Variants in BORCS5 observed in about 807,000 individuals in gnomAD.
The protein encoded by BORCS5 is BLOC-1-related complex subunit 5.
In BORCS5, 17 loss-of-function variants were observed where a neutral mutation model predicts 22.1. That is an observed-to-expected ratio of 0.77 (90% CI 0.53 to 1.15). The LOEUF is 1.15. Ranked by LOEUF, BORCS5 falls within the 50% of genes most tolerant of loss-of-function variation. BORCS5 has a pLI of 0.00. For synonymous variants in BORCS5, 117 were observed against 99.8 expected (o/e 1.17, Z -1.03); for missense variants, 247 against 253.2 (o/e 0.98, Z 0.17).
At position 12,469,126 on chromosome 12, in the gene BORCS5, G is replaced by A. The variant is rs186646756; in HGVS notation, c.*3350G>A. On this transcript the variant is annotated 3_prime_UTR_variant, in exon 4 of 4. Transcript: ENST00000314565. ...CCAGCACTTTGGGAGGCCGAGACGA[G>A]TGGATCACCTGAGGTCAGGAGTTCC... is the stretch of plus-strand genomic sequence containing the variant. 6.6e-6 allele frequency: 1 copy of A among 152,382 alleles called. No homozygotes were observed. The highest frequency in any genetic ancestry group is 1.9e-4 in the East Asian group (1 of 5,192). The allele number at this position is 152,382 out of a possible 1,614,324, so 9.4% of individuals were successfully genotyped here.
At chr12:12,445,756 C>G (rs1013561049) in intron 3 of BORCS5, among the ~76,000 whole-genome samples, 3 of 151,334 alleles carry the variant, frequency 2.0e-5, no homozygotes, top group Admixed American at 1.3e-4. Flanking sequence ...GCCCCAGCCT[C>G]CCCAGTAGCT....
At chr12:12,418,661 T>C (rs1201124739) in intron 2 of BORCS5, among the ~76,000 whole-genome samples, 1 of 152,202 alleles carries the variant, frequency 6.6e-6, no homozygotes, top group African/African-American at 2.4e-5. Flanking sequence ...CACTACAGCC[T>C]GGGTAACAGC....
intron 3 of BORCS5, among the ~76,000 whole-genome samples, chr12:12,461,480 T>C (rs1219740152): frequency 1.3e-5 from 2 of 152,154 alleles, no homozygotes; most frequent in Non-Finnish European, 2.9e-5. Flanking sequence ...CCAGCATTCC[T>C]ATCTGTCAGT....
intron 2 of BORCS5, among the ~76,000 whole-genome samples, chr12:12,370,075 G>A (rs148827611): frequency 2.0e-4 from 30 of 147,346 alleles, no homozygotes; most frequent in Admixed American, 1.5e-3. Flanking sequence ...ATCTACATAC[G>A]TTAGAAATCC....
chr12:12,394,183 T>C (rs767215736), intron 2 of BORCS5, among the ~76,000 whole-genome samples: 1 of 151,660 alleles, frequency 6.6e-6, no homozygotes, highest in Non-Finnish European at 1.5e-5. Flanking sequence ...AAAATGAGCC[T>C]GGTATGGTAG....
At chr12:12,442,202 T>G (rs963759413) in intron 3 of BORCS5, among the ~76,000 whole-genome samples, 2 of 151,008 alleles carry the variant, frequency 1.3e-5, no homozygotes, top group African/African-American at 5.0e-5. Flanking sequence ...TCTGCCTCAT[T>G]CTAGTTGCTG....
At chr12:12,414,062 G>A (rs1941829093) in intron 2 of BORCS5, among the ~76,000 whole-genome samples, 1 of 77,470 alleles carries the variant, frequency 1.3e-5, no homozygotes, top group Non-Finnish European at 2.7e-5. Flanking sequence ...GCGGGGGGCT[G>A]ATCCCCCCAC....
intron 3 of BORCS5, among the ~76,000 whole-genome samples, chr12:12,445,215 A>AT (rs940303340): frequency 4.0e-5 from 6 of 151,844 alleles, no homozygotes; most frequent in Non-Finnish European, 5.9e-5. Flanking sequence ...TAATTTTTAA[A>AT]TTTTTTTGTA....
intron 3 of BORCS5, among the ~76,000 whole-genome samples, chr12:12,464,230 C>G (rs928335311): frequency 6.6e-6 from 1 of 151,982 alleles, no homozygotes; most frequent in African/African-American, 2.4e-5. Context: ...TCTCCTTCTC[C>G]CCGTGCCCAA....
At chr12:12,369,890 A>C (rs1474153787) in intron 2 of BORCS5, among the ~76,000 whole-genome samples, 3 of 151,058 alleles carry the variant, frequency 2.0e-5, no homozygotes, top group African/African-American at 7.3e-5. Context: ...ATGCCTGTCT[A>C]ATTTTTTTAT....
intron 2 of BORCS5, among the ~76,000 whole-genome samples, chr12:12,425,359 G>A (rs977288572): frequency 2.6e-5 from 4 of 152,094 alleles, no homozygotes; most frequent in Admixed American, 2.0e-4. Flanking sequence ...TAAATTCCTG[G>A]TGCTTCCTAC....
At chr12:12,446,302 A>C (rs747572714) in intron 3 of BORCS5, among the ~76,000 whole-genome samples, 18 of 152,194 alleles carry the variant, frequency 1.2e-4, no homozygotes, top group Non-Finnish European at 2.2e-4. Context: ...GTAGGGTAGA[A>C]ATTTTACATG....
intron 3 of BORCS5, among the ~76,000 whole-genome samples, chr12:12,437,285 G>A (rs2136126948): frequency 1.3e-5 from 2 of 152,356 alleles, no homozygotes; most frequent in Admixed American, 1.3e-4. Flanking sequence ...CTGCCGCCAT[G>A]TAAGATGTGA....
chr12:12,469,996 C>T lies in BORCS5; in HGVS notation c.*4220C>T, dbSNP rs1484580044. Among the ~76,000 whole-genome samples, 4 of 152,136 alleles carry T rather than the reference C, an allele frequency of 2.6e-5. No individual in the cohort carries two copies. Among genetic ancestry groups the T allele is most frequent in the South Asian group, 2.1e-4 (1 of 4,822 alleles). ...CCAAACCCCAGGCCACAGACTGGTA[C>T]CCATCTGTGGCGTGTGAGGAAGTGT... is the stretch of plus-strand genomic sequence containing the variant. On this transcript the variant is annotated 3_prime_UTR_variant, in exon 4 of 4. Coordinates refer to ENST00000314565, the MANE Select transcript of BORCS5 (RefSeq NM_058169.6).
chr12:12,384,372 A>G (rs536674376), intron 2 of BORCS5, among the ~76,000 whole-genome samples: 7 of 145,804 alleles, frequency 4.8e-5, no homozygotes, highest in African/African-American at 1.8e-4. Flanking sequence ...TTTTATTATG[A>G]TTTTCTGTAG....
intron 3 of BORCS5, among the ~76,000 whole-genome samples, chr12:12,464,043 C>T (rs986839203): frequency 6.6e-6 from 1 of 151,928 alleles, no homozygotes; most frequent in Non-Finnish European, 1.5e-5. Flanking sequence ...TCTCAGTGCT[C>T]ATTGCAAGGC....
chr12:12,424,405 T>C (rs1389166457), intron 2 of BORCS5, among the ~76,000 whole-genome samples: 1 of 152,228 alleles, frequency 6.6e-6, no homozygotes, highest in African/African-American at 2.4e-5. Flanking sequence ...TCTGTCTCTT[T>C]ATTGATATTT....
intron 2 of BORCS5, among the ~76,000 whole-genome samples, chr12:12,401,581 CAAAA>C (rs1478677425): frequency 9.9e-5 from 15 of 151,480 alleles, no homozygotes; most frequent in Admixed American, 9.2e-4. Flanking sequence ...AACAAAATGA[CAAAA>C]AAGAAAATTA....
chr12:12,452,308 T>C (rs751252224), intron 3 of BORCS5: 10 of 708,618 alleles, frequency 1.4e-5, no homozygotes, highest in Non-Finnish European at 2.5e-5. Context: ...TCCAATACCA[T>C]TCCCCCATCA....
Sources: allele counts gnomAD v4.1 joint callset (sites outside exome capture counted in the v4.1 genomes callset), GRCh38; gene constraint gnomAD v4.1.1; transcripts MANE v1.5; gene names NCBI Gene and HGNC (gene_info 2026-07-23, HGNC 2026-07-21).